The following DLGAP1 variants were observed in gnomAD, a reference collection of about 807,000 sequenced individuals.
DLGAP1 encodes disks large-associated protein 1.
In DLGAP1, 11 loss-of-function variants were observed where a neutral mutation model predicts 90.8. That is an observed-to-expected ratio of 0.12 (90% CI 0.08 to 0.20). DLGAP1 has a LOEUF of 0.20. Among genes scored for constraint, DLGAP1 ranks in the 10% least tolerant of loss-of-function variants. The pLI is 1.00. For missense variants in DLGAP1, 1,050 were observed against 1,333.8 expected, an observed-to-expected ratio of 0.79 and a Z score of 3.31; for synonymous variants, 558 against 540.7, an observed-to-expected ratio of 1.03 and a Z score of -0.44.
chr18:4,089,855 C>T (rs1449085403), intron 2 of DLGAP1, among the ~76,000 whole-genome samples: 1 of 152,142 alleles, frequency 6.6e-6, no homozygotes, highest in Non-Finnish European at 1.5e-5. Flanking sequence ...ACCATCCTGG[C>T]TAACACGGTG....
At chr18:4,324,483 T>C (rs2080770578) in intron 1 of DLGAP1, among the ~76,000 whole-genome samples, 1 of 151,666 alleles carries the variant, frequency 6.6e-6, no homozygotes, top group South Asian at 2.1e-4. Context: ...TTCCAAAAAA[T>C]TGAGGAGCAG....
chr18:4,338,302 T>A (rs1250282356), intron 1 of DLGAP1, among the ~76,000 whole-genome samples: 1 of 152,190 alleles, frequency 6.6e-6, no homozygotes, highest in African/African-American at 2.4e-5. Context: ...AGTAGAAAAT[T>A]GTTGTCAGTT....
At chr18:3,720,040 T>C (rs1479222366) in intron 7 of DLGAP1, among the ~76,000 whole-genome samples, 1 of 152,220 alleles carries the variant, frequency 6.6e-6, no homozygotes, top group African/African-American at 2.4e-5. Context: ...GATCTGATAC[T>C]TCTTGTCAGA....
chr18:4,025,873 A>G (rs966242379), intron 2 of DLGAP1, among the ~76,000 whole-genome samples: 1 of 152,208 alleles, frequency 6.6e-6, no homozygotes, highest in Non-Finnish European at 1.5e-5. Flanking sequence ...GGTATTTTTA[A>G]AAAACAGTTA....
At chr18:4,411,788 C>T (rs553764365) in intron 1 of DLGAP1, among the ~76,000 whole-genome samples, 1 of 152,226 alleles carries the variant, frequency 6.6e-6, no homozygotes, top group Non-Finnish European at 1.5e-5. Flanking sequence ...CTTCATGTGA[C>T]CTCTTCATGT....
At chr18:4,309,144 G>T (rs1221105419) in intron 1 of DLGAP1, among the ~76,000 whole-genome samples, 1 of 152,176 alleles carries the variant, frequency 6.6e-6, no homozygotes, top group Non-Finnish European at 1.5e-5. Flanking sequence ...TTTCAACTAA[G>T]GGCTTGGTTA....
At chr18:3,863,476 C>T (rs1472916139) in intron 4 of DLGAP1, among the ~76,000 whole-genome samples, 2 of 152,128 alleles carry the variant, frequency 1.3e-5, no homozygotes, top group South Asian at 2.1e-4. Flanking sequence ...GTAATAAACC[C>T]GTTCATTATT....
At chr18:4,370,005 A>T (rs2081880852) in intron 1 of DLGAP1, among the ~76,000 whole-genome samples, 1 of 152,066 alleles carries the variant, frequency 6.6e-6, no homozygotes, top group Non-Finnish European at 1.5e-5. Context: ...AGAAGCAGGG[A>T]GCAAGACTGA....
chr18:3,560,288 G>A lies in DLGAP1; in HGVS notation c.2057+7202C>T, dbSNP rs1376944486. On this transcript the variant is annotated intron_variant, in intron 9 of 12. Transcript: ENST00000315677. ...ACAAAAATTAGCTGGGTGTGGTGGT[G>A]TGTGCCTGTAATCCCAGCTACTCGG... Among the ~76,000 whole-genome samples, 6 of 151,944 alleles carry A rather than the reference G, an allele frequency of 3.9e-5. No individual in the cohort carries two copies. In the South Asian group the frequency reaches 8.3e-4, roughly 21 times the overall value.
intron 3 of DLGAP1, chr18:3,897,194 T>G (rs2071647077): frequency 6.6e-6 from 1 of 152,214 alleles, no homozygotes; most frequent in Non-Finnish European, 1.5e-5. Flanking sequence ...AGGAAAGATA[T>G]CACACATTTC....
intron 9 of DLGAP1, among the ~76,000 whole-genome samples, chr18:3,538,278 C>G (rs1245989366): frequency 2.0e-5 from 3 of 151,734 alleles, no homozygotes; most frequent in Admixed American, 1.3e-4. Flanking sequence ...CGAAGATAAA[C>G]TAGCCAAAGT....
At chr18:4,355,002 C>G (rs189180477) in intron 1 of DLGAP1, among the ~76,000 whole-genome samples, 1 of 150,062 alleles carries the variant, frequency 6.7e-6, no homozygotes, top group East Asian at 2.0e-4. Flanking sequence ...TGCAGAGACT[C>G]TGGGTCATTC....
chr18:4,171,280 A>G (rs1376099213), intron 1 of DLGAP1, among the ~76,000 whole-genome samples: 1 of 152,180 alleles, frequency 6.6e-6, no homozygotes, highest in African/African-American at 2.4e-5. Flanking sequence ...TCACACCTGT[A>G]ATCCCAGCAC....
chr18:3,582,594 G>A (rs1329568965), intron 7 of DLGAP1, among the ~76,000 whole-genome samples: 1 of 152,192 alleles, frequency 6.6e-6, no homozygotes, highest in Non-Finnish European at 1.5e-5. Context: ...TAGAAAAGGT[G>A]AGGGGAGTTT....
Position 4,155,415 on chromosome 18 carries a change from C to A in DLGAP1, c.-266-4128G>T, listed in dbSNP as rs1327151870. Among the ~76,000 whole-genome samples the A allele has an allele frequency of 2.6e-5, 4 of 152,116 alleles. 1 individual carries two copies. The highest frequency in any genetic ancestry group is 9.7e-5 in the African/African-American group (4 of 41,418). ...CCTGCTACTTGGAACACATTTTCCT[C>A]CCTGGGTCTTTTAAGGCACTGTGAG... On this transcript the variant is annotated intron_variant, in intron 1 of 12. Coordinates refer to ENST00000315677, the MANE Select transcript of DLGAP1 (RefSeq NM_004746.4).
At chr18:4,163,448 G>A (rs8096069) in intron 1 of DLGAP1, among the ~76,000 whole-genome samples, 4,749 of 152,308 alleles carry the variant, frequency 0.031, 247 homozygotes, top group African/African-American at 0.11. Context: ...AGCAGAGTGA[G>A]CTAATCCACA....
intron 1 of DLGAP1, among the ~76,000 whole-genome samples, chr18:4,203,806 C>G (rs182105874): frequency 2.6e-5 from 4 of 152,284 alleles, no homozygotes; most frequent in Admixed American, 6.5e-5. Flanking sequence ...CATCTAATTA[C>G]AGCACAACTC....
At chr18:3,552,939 T>A (rs549842188) in intron 9 of DLGAP1, among the ~76,000 whole-genome samples, 1 of 150,274 alleles carries the variant, frequency 6.7e-6, no homozygotes, top group East Asian at 2.0e-4. Flanking sequence ...CTTCCATATC[T>A]GCTTTCTAGC....
At chr18:3,568,201 G>A (rs1381669403) in intron 8 of DLGAP1, among the ~76,000 whole-genome samples, 3 of 152,042 alleles carry the variant, frequency 2.0e-5, no homozygotes, top group African/African-American at 7.2e-5. Context: ...GCCCGGCCTG[G>A]AAGTTTTGAA....
Sources: gnomAD v4.1 joint callset for allele counts (sites outside exome capture counted in the v4.1 genomes callset) on GRCh38, gnomAD v4.1.1 for gene constraint, MANE v1.5 for transcripts, NCBI Gene and HGNC (gene_info 2026-07-23, HGNC 2026-07-21) for gene names.